OSBP2: variants seen among roughly 807,000 people sequenced by gnomAD.
The protein encoded by OSBP2 is oxysterol binding protein 2, also known as oxysterol-binding protein 2.
OSBP2 carries 66 observed loss-of-function variants against 96.0 expected under a neutral mutation model. The observed-to-expected ratio is 0.69, with a 90% CI of 0.56 to 0.84. The LOEUF (loss-of-function observed/expected upper bound fraction) is 0.84. OSBP2 is among the 40% of genes least tolerant of loss of function. The pLI, the probability that OSBP2 is intolerant of heterozygous loss-of-function variation, is 0.00. For synonymous variants in OSBP2, 525 were observed against 520.9 expected, an observed-to-expected ratio of 1.01 and a Z score of -0.11; for missense variants, 1,038 against 1,222.7, an observed-to-expected ratio of 0.85 and a Z score of 2.25.
intron 2 of OSBP2, among the ~76,000 whole-genome samples, chr22:30,779,785 T>A (rs554503707): frequency 9.9e-5 from 15 of 152,026 alleles, no homozygotes; most frequent in Non-Finnish European, 1.2e-4. Context: ...AAAGGAGGGG[T>A]CCAGCCTCAT....
chr22:30,745,538 A>G (rs1188839867), intron 2 of OSBP2, among the ~76,000 whole-genome samples: 1 of 151,960 alleles, frequency 6.6e-6, no homozygotes, highest in Non-Finnish European at 1.5e-5. Context: ...GTGGTAGCAG[A>G]CGCCTGTAAT....
intron 2 of OSBP2, among the ~76,000 whole-genome samples, chr22:30,809,068 C>T (rs557961022): frequency 6.6e-6 from 1 of 152,152 alleles, no homozygotes; most frequent in Non-Finnish European, 1.5e-5. Flanking sequence ...TATGCTGCCA[C>T]GGCCAAGGAA....
chr22:30,730,901 G>A (rs912825854), intron 1 of OSBP2, among the ~76,000 whole-genome samples: 1 of 148,458 alleles, frequency 6.7e-6, no homozygotes, highest in Admixed American at 6.8e-5. Flanking sequence ...CTGGCCGGGC[G>A]CGGTGCCTCA....
chr22:30,723,988 A>G (rs531627112), intron 1 of OSBP2, among the ~76,000 whole-genome samples: 23 of 152,298 alleles, frequency 1.5e-4, no homozygotes, highest in African/African-American at 5.3e-4. Context: ...CCATTACGGT[A>G]TCATACAGAG....
In OSBP2 at chr22:30,836,437, C is replaced by T. The variant is rs114327642; in HGVS notation, c.854-33992C>T. The stretch of plus-strand genomic sequence containing the variant: ...TGCTTCCCTTAATGGCAAGCACATA[C>T]AAAGCTATTTGTTGTTGGTTCACAT... On this transcript the variant is annotated intron_variant, in intron 2 of 13. Coordinates refer to ENST00000332585, the MANE Select transcript of OSBP2 (RefSeq NM_030758.4). Among the ~76,000 whole-genome samples, 582 of 152,312 alleles carry T rather than the reference C, an allele frequency of 3.8e-3. 4 individuals are homozygous for T. The highest frequency in any genetic ancestry group is 0.013 in the African/African-American group (535 of 41,568).
At chr22:30,707,137 G>A (rs909294564) in intron 1 of OSBP2, among the ~76,000 whole-genome samples, 18 of 151,790 alleles carry the variant, frequency 1.2e-4, no homozygotes, top group South Asian at 4.2e-4. Flanking sequence ...TAGCTTTGTC[G>A]CCAGTCTGGA....
intron 3 of OSBP2, among the ~76,000 whole-genome samples, chr22:30,886,651 T>C (rs1201059354): frequency 6.6e-6 from 1 of 152,164 alleles, no homozygotes; most frequent in African/African-American, 2.4e-5. Flanking sequence ...CCTTGACTCG[T>C]AATGTTATGC....
intron 2 of OSBP2, among the ~76,000 whole-genome samples, chr22:30,787,072 A>G (rs975879343): frequency 6.6e-6 from 1 of 152,134 alleles, no homozygotes; most frequent in Non-Finnish European, 1.5e-5. Context: ...TGCTGGGATT[A>G]CAGGCGTGAG....
intron 2 of OSBP2, among the ~76,000 whole-genome samples, chr22:30,775,573 C>T (rs1450412231): frequency 1.3e-5 from 2 of 151,966 alleles, no homozygotes; most frequent in East Asian, 1.9e-4. Flanking sequence ...GAGCCGAGAT[C>T]GCACCACTTC....
At chr22:30,736,888 A>T (rs1376424482) in intron 1 of OSBP2, among the ~76,000 whole-genome samples, 1 of 152,154 alleles carries the variant, frequency 6.6e-6, no homozygotes, top group African/African-American at 2.4e-5. Flanking sequence ...TATTTAGTTA[A>T]TGGGTTATAA....
At chr22:30,787,534 A>G (rs1016543358) in intron 2 of OSBP2, among the ~76,000 whole-genome samples, 6 of 152,144 alleles carry the variant, frequency 3.9e-5, no homozygotes, top group Admixed American at 2.6e-4. Context: ...TTAGGCGGGC[A>G]TGGTGGTGCA....
intron 4 of OSBP2, 104 bp downstream of exon 4, chr22:30,887,722 T>A: frequency 9.5e-7 from 1 of 1,051,382 alleles, no homozygotes; most frequent in South Asian, 1.6e-5. Context: ...TGTGCCCACA[T>A]GTGGGCTGGC....
intron 2 of OSBP2, among the ~76,000 whole-genome samples, chr22:30,764,866 A>G (rs1209750267): frequency 6.6e-6 from 1 of 152,106 alleles, no homozygotes. Flanking sequence ...CTTGAGTGAA[A>G]ATTTGACTGG....
chr22:30,803,383 G>T (rs951269655), intron 2 of OSBP2, among the ~76,000 whole-genome samples: 2 of 152,240 alleles, frequency 1.3e-5, no homozygotes, highest in African/African-American at 4.8e-5. Flanking sequence ...CAAGCCAGGG[G>T]ACAAAGGGTT....
intron 12 of OSBP2, among the ~76,000 whole-genome samples, chr22:30,901,716 T>C (rs2040199896): frequency 6.6e-6 from 1 of 151,934 alleles, no homozygotes; most frequent in South Asian, 2.1e-4. Flanking sequence ...AATATAAAAA[T>C]TAGCCAGGCG....
At chr22:30,741,441 C>A in intron 2 of OSBP2, 72 bp downstream of exon 2, 1 of 1,319,402 alleles carries the variant, frequency 7.6e-7, no homozygotes, top group Non-Finnish European at 1.0e-6. Context: ...GAATTGCAAG[C>A]CACTGGTGGG....
In OSBP2 at chr22:30,709,547, C is replaced by T. The variant is rs2089310374; in HGVS notation, c.644+13994C>T. On this transcript the variant is annotated intron_variant, in intron 1 of 13. Coordinates refer to ENST00000332585, the MANE Select transcript of OSBP2 (RefSeq NM_030758.4). ...TTTGTTTTTTTTTGAGACAGAGTCTCACTCTGTCTCCAGGCTGGAGTGCAG... is the reference window on the plus strand; with the variant it reads ...TTTGTTTTTTTTTGAGACAGAGTCTTACTCTGTCTCCAGGCTGGAGTGCAG... Among the ~76,000 whole-genome samples the T allele has an allele frequency of 1.3e-5, 2 of 151,718 alleles. 1 individual carries two copies. Among genetic ancestry groups the T allele is most frequent in the South Asian group, 4.2e-4 (2 of 4,804 alleles).
chr22:30,712,821 TG>T (rs1223237122), intron 1 of OSBP2, among the ~76,000 whole-genome samples: 9 of 152,270 alleles, frequency 5.9e-5, no homozygotes. Context: ...TACCCAGCAA[TG>T]TATCTGTCTA....
At chr22:30,794,667 C>T (rs961120581) in intron 2 of OSBP2, among the ~76,000 whole-genome samples, 5 of 151,368 alleles carry the variant, frequency 3.3e-5, no homozygotes, top group South Asian at 2.1e-4. Context: ...ATTTAAGAAG[C>T]TAACAACAGT....
Sources: gnomAD v4.1 joint callset for allele counts (sites outside exome capture counted in the v4.1 genomes callset) on GRCh38, gnomAD v4.1.1 for gene constraint, MANE v1.5 for transcripts, NCBI Gene and HGNC (gene_info 2026-07-23, HGNC 2026-07-21) for gene names.